ARID1A: variants seen among roughly 807,000 people sequenced by gnomAD.
ARID1A encodes AT-rich interactive domain-containing protein 1A.
ARID1A carries 20 observed loss-of-function variants against 212.6 expected under a neutral mutation model. The ratio of observed to expected loss-of-function variants is 0.09; its 90% CI spans 0.07 to 0.14. The LOEUF (loss-of-function observed/expected upper bound fraction) is 0.14. Among genes scored for constraint, ARID1A ranks in the 10% least tolerant of loss-of-function variants. ARID1A has a pLI of 1.00. For missense variants in ARID1A, 2,587 were observed against 3,059.0 expected (o/e 0.85, Z 3.64); for synonymous variants, 1,376 against 1,222.1 (o/e 1.13, Z -2.63).
Position 26,781,644 on chromosome 1 carries a change from T to C in ARID1A, c.*888T>C. 4.3e-6 allele frequency: 1 copy of C among 233,728 alleles called. No individual in the cohort carries two copies. Among genetic ancestry groups the C allele is most frequent in the Non-Finnish European group, 8.5e-6 (1 of 118,062 alleles). 14.5% of individuals were successfully genotyped at this position (233,728 alleles called of 1,614,324 possible). A position where few individuals can be genotyped will look rare whatever the true frequency, so the allele number is the denominator to read the frequency against. The stretch of plus-strand genomic sequence containing the variant: ...ATGACGTTGTACATTGCACATACCC[T>C]TGGATCCCCACAGTTTGGTCCTCCT... On this transcript the variant is annotated 3_prime_UTR_variant, in exon 20 of 20. Transcript: ENST00000324856.
At chr1:26,773,116 C>T (rs2081098506) in intron 14 of ARID1A, 129 bp downstream of exon 14, 1 of 1,333,602 alleles carries the variant, frequency 7.5e-7, no homozygotes, top group South Asian at 1.5e-5. Context: ...CCTGCCCTAA[C>T]TACCCCTCTT....
rs1032501326 is a variant in ARID1A at position 26,779,035 on chromosome 1, C to T, written c.5137C>T (p.Leu1713=). The part of the protein sequence containing the change: ...TFNLSQLPGL[L]ELLVEYFRRC... The stretch of plus-strand genomic sequence containing the variant: ...TTTCTCTTTTTAGCTCCCAGGGTTG[C>T]TAGAGCTCCTTGTAGAATATTTCCG... Residue 1713 remains leucine, a synonymous_variant, in exon 20 of 20, where the codon CTA becomes TTA. Transcript: ENST00000324856. 11 of 1,503,872 alleles carry T rather than the reference C, an allele frequency of 7.3e-6. No homozygotes were observed. Among genetic ancestry groups the T allele is most frequent in the Admixed American group, 2.3e-5 (1 of 43,772 alleles). 93.2% of individuals were successfully genotyped at this position (1,503,872 alleles called of 1,614,324 possible).
intron 4 of ARID1A, among the ~76,000 whole-genome samples, chr1:26,739,178 C>T (rs1246761811): frequency 1.3e-5 from 2 of 152,170 alleles, no homozygotes; most frequent in Non-Finnish European, 2.9e-5. Context: ...TGAGCCACTG[C>T]GCCCGGCCCA....
intron 6 of ARID1A, among the ~76,000 whole-genome samples, chr1:26,761,692 A>T (rs981595705): frequency 2.0e-5 from 3 of 152,218 alleles, no homozygotes; most frequent in African/African-American, 7.2e-5. Context: ...GATCAGGGTA[A>T]TTAGCAGATA....
Position 26,774,291 on chromosome 1 carries a change from C to T in ARID1A, c.4102-38C>T, listed in dbSNP as rs1466776544. 2 of 1,515,872 alleles carry T rather than the reference C, an allele frequency of 1.3e-6. No homozygotes were observed. The highest frequency in any genetic ancestry group is 2.8e-5 in the African/African-American group (2 of 71,696). The allele number at this position is 1,515,872 out of a possible 1,614,324, so 93.9% of individuals were successfully genotyped here. A position where few individuals can be genotyped will look rare whatever the true frequency, so the allele number is the denominator to read the frequency against. On this transcript the variant is annotated intron_variant, in intron 17 of 19. Coordinates refer to ENST00000324856, the MANE Select transcript of ARID1A (RefSeq NM_006015.6). This position sits in a 1 kb window ranked among gnomAD's most constrained non-coding sequence, Gnocchi z 5.6. The stretch of plus-strand genomic sequence containing the variant: ...TCTGTGGGCTTTATGTCCCTGAGTG[C>T]AGAGTATTAACTTCCCCTCTGCTTG...
chr1:26,775,926 A>G, intron 19 of ARID1A: 2 of 722,942 alleles, frequency 2.8e-6, no homozygotes, highest in Non-Finnish European at 4.8e-6. Flanking sequence ...ATTGACTTCA[A>G]AAGGAATTTG....
chr1:26,729,277 G>T (rs978491158), intron 1 of ARID1A: 1 of 227,726 alleles, frequency 4.4e-6, no homozygotes. Flanking sequence ...TCCCCGTCAT[G>T]GTATTGAAGC....
rs969719142 is a variant in ARID1A at position 26,781,491 on chromosome 1, CAT to C, written c.*736_*737del. ...AAAAAAGGCTTTTCCCCCAAAGTATCATGTGTGAACCTACAACACCCTGACCT... is the reference window on the plus strand; with the variant it reads ...AAAAAAGGCTTTTCCCCCAAAGTATCGTGTGAACCTACAACACCCTGACCT... On this transcript the variant is annotated 3_prime_UTR_variant, in exon 20 of 20. Coordinates refer to ENST00000324856, the MANE Select transcript of ARID1A (RefSeq NM_006015.6). 1.3e-5 allele frequency: 3 copies of C among 232,854 alleles called. No individual in the cohort carries two copies. The highest frequency in any genetic ancestry group is 2.5e-5 in the Non-Finnish European group (3 of 117,846). 14.4% of individuals were successfully genotyped at this position (232,854 alleles called of 1,614,324 possible).
At chr1:26,701,221 G>A (rs1254539502) in intron 1 of ARID1A, among the ~76,000 whole-genome samples, 2 of 152,106 alleles carry the variant, frequency 1.3e-5, no homozygotes, top group Non-Finnish European at 2.9e-5. Context: ...GTATTGATTG[G>A]CTTCAACTCT....
chr1:26,710,257 A>G (rs1266430452), intron 1 of ARID1A, among the ~76,000 whole-genome samples: 2 of 141,916 alleles, frequency 1.4e-5, no homozygotes, highest in Non-Finnish European at 3.1e-5. Flanking sequence ...AACATGGTGA[A>G]ACCCCGTCTC....
chr1:26,734,753 G>A (rs567168465), intron 4 of ARID1A, among the ~76,000 whole-genome samples: 1 of 152,334 alleles, frequency 6.6e-6, no homozygotes, highest in South Asian at 2.1e-4. Context: ...GAAATGACAA[G>A]TTGGATTCCC....
At chr1:26,743,147 A>C (rs917372128) in intron 4 of ARID1A, among the ~76,000 whole-genome samples, 4 of 152,152 alleles carry the variant, frequency 2.6e-5, no homozygotes, top group Non-Finnish European at 5.9e-5. Flanking sequence ...TAGTGGAGCC[A>C]TCCACAGCTC....
rs2124107042 is a variant in ARID1A, at chr1:26,772,866, A to T, written c.3594A>T (p.Thr1198=). ...CCTTTAATGATGGAAGTGACTCCAC[A>T]TTCCAGAAGCGGAATTCCATGACTC... ...QDAFNDGSDS[T]FQKRNSMTPN... is the part of the protein sequence containing the mutation. The change falls in exon 14 of 20, where the codon ACA becomes ACT. Residue 1198 remains threonine (T), a synonymous_variant. Coordinates refer to ENST00000324856, the MANE Select transcript of ARID1A (RefSeq NM_006015.6). 6.2e-7 allele frequency: 1 copy of T among 1,614,196 alleles called. No individual in the cohort carries two copies. Among genetic ancestry groups the T allele is most frequent in the Non-Finnish European group, 8.5e-7 (1 of 1,180,038 alleles).
At chr1:26,741,803 T>G (rs2080790678) in intron 4 of ARID1A, among the ~76,000 whole-genome samples, 1 of 152,234 alleles carries the variant, frequency 6.6e-6, no homozygotes, top group Non-Finnish European at 1.5e-5. Flanking sequence ...AGATTTCACT[T>G]AACATCTTAG....
rs764467535 is a variant in ARID1A at position 26,766,446 on chromosome 1, C to A, written c.2879-11C>A. On this transcript the variant is annotated splice_polypyrimidine_tract_variant and intron_variant, in intron 9 of 19. Transcript: ENST00000324856. ...ACTTACTGGACTTGAGAATTTTTTT[C>A]TCTTTTACAGGGATGGCAGCCAGCC... 8 of 1,613,020 alleles carry A rather than the reference C, an allele frequency of 5.0e-6. No homozygotes were observed. The highest frequency in any genetic ancestry group is 1.7e-4 in the Middle Eastern group (1 of 6,056).
chr1:26,756,018 C>T (rs1468100456), intron 4 of ARID1A, among the ~76,000 whole-genome samples: 2 of 151,968 alleles, frequency 1.3e-5, no homozygotes, highest in Non-Finnish European at 2.9e-5. Flanking sequence ...GCTGGGATTA[C>T]AGACGTGAGC....
chr1:26,696,772 C>G lies in ARID1A; in HGVS notation c.369C>G (p.Gly123=), dbSNP rs1427968958. 3.0e-6 allele frequency: 4 copies of G among 1,342,460 alleles called. No homozygotes were observed. The highest frequency in any genetic ancestry group is 2.9e-6 in the Non-Finnish European group (3 of 1,051,880). 83.2% of individuals were successfully genotyped at this position (1,342,460 alleles called of 1,614,324 possible). Residue 123 remains glycine (G), a synonymous_variant, in exon 1 of 20, where the codon GGC becomes GGG. Transcript: ENST00000324856. ...ATAACCTCACGGAGCCGCCCGGCGG[C>G]GGCGGTGGCGGCAGCAGCGATGGGG... ...LNNNLTEPPG[G]GGGGSSDGVG...
chr1:26,776,570 G>T (rs1051617053), intron 19 of ARID1A, among the ~76,000 whole-genome samples: 1 of 152,186 alleles, frequency 6.6e-6, no homozygotes, highest in Non-Finnish European at 1.5e-5. Flanking sequence ...ACCGCGCCCG[G>T]CCCTACAATA....
At chr1:26,703,841 G>C (rs567348153) in intron 1 of ARID1A, among the ~76,000 whole-genome samples, 1 of 152,294 alleles carries the variant, frequency 6.6e-6, no homozygotes, top group Non-Finnish European at 1.5e-5. Context: ...GAGGCATTTA[G>C]TTTTCTTAGG....
Sources: allele counts gnomAD v4.1 joint callset (sites outside exome capture counted in the v4.1 genomes callset), GRCh38; gene constraint gnomAD v4.1.1; non-coding constraint Gnocchi (gnomAD v3.1); transcripts MANE v1.5; gene names NCBI Gene and HGNC (gene_info 2026-07-23, HGNC 2026-07-21).